Variants in SLC60A1 observed in about 807,000 individuals in gnomAD.
SLC60A1 encodes major facilitator superfamily domain containing 4.
the SLC60A1 span, chr1:205,584,021 A>C: frequency 6.2e-7 from 1 of 1,614,060 alleles, no homozygotes; most frequent in Non-Finnish European, 8.5e-7. Flanking sequence ...CTGTCCCCAG[A>C]GGAGGCCCCT....
At chr1:205,597,790 C>G in the SLC60A1 span, 1 of 1,613,970 alleles carries the variant, frequency 6.2e-7, no homozygotes. Flanking sequence ...GCTGTGCAAC[C>G]ACAGTGCTGG....
the SLC60A1 span, chr1:205,584,004 T>C: frequency 6.2e-7 from 1 of 1,614,024 alleles, no homozygotes; most frequent in Non-Finnish European, 8.5e-7. Flanking sequence ...GAGCGGCTGC[T>C]GACCTGCTGT....
the SLC60A1 span, among the ~76,000 whole-genome samples, chr1:205,593,514 T>A: frequency 2.7e-5 from 4 of 150,592 alleles, no homozygotes; most frequent in East Asian, 5.9e-4. Flanking sequence ...GAAGTTGGTG[T>A]ACAGGGAGAG....
At chr1:205,597,294 C>T in the SLC60A1 span, among the ~76,000 whole-genome samples, 1 of 150,850 alleles carries the variant, frequency 6.6e-6, no homozygotes, top group African/African-American at 2.4e-5. Context: ...AGCAAAGTTA[C>T]AGGCTCATGT....
chr1:205,579,841 G>A, the SLC60A1 span: 1 of 1,614,174 alleles, frequency 6.2e-7, no homozygotes, highest in South Asian at 1.1e-5. Flanking sequence ...ACGTGAAGGT[G>A]CTGGCCTCAG....
chr1:205,582,441 T>C, the SLC60A1 span, among the ~76,000 whole-genome samples: 1 of 152,364 alleles, frequency 6.6e-6, no homozygotes, highest in African/African-American at 2.4e-5. Context: ...CCTGCCCTTC[T>C]CTGACTTTTA....
chr1:205,593,858 C>T, the SLC60A1 span, among the ~76,000 whole-genome samples: 1 of 152,160 alleles, frequency 6.6e-6, no homozygotes, highest in Admixed American at 6.5e-5. Flanking sequence ...TTAATATTTG[C>T]AGTTTAGAAG....
the SLC60A1 span, among the ~76,000 whole-genome samples, chr1:205,581,764 T>A: frequency 6.6e-6 from 1 of 152,150 alleles, no homozygotes; most frequent in Admixed American, 6.5e-5. The surrounding 1 kb of genome is among the most constrained non-coding windows in gnomAD (Gnocchi z 4.2). Flanking sequence ...TCAGCTCTCC[T>A]GGGGCAGGTG....
chr1:205,596,602 AGAG>A, the SLC60A1 span, among the ~76,000 whole-genome samples: 12 of 144,526 alleles, frequency 8.3e-5, no homozygotes, highest in Admixed American at 6.9e-5. Flanking sequence ...TTACCAGAAA[AGAG>A]GAGGAGGATG....
At chr1:205,575,042 G>C in the SLC60A1 span, among the ~76,000 whole-genome samples, 3 of 152,152 alleles carry the variant, frequency 2.0e-5, no homozygotes, top group Admixed American at 2.0e-4. Context: ...TTTTATCCCT[G>C]GCCTTGCCCT....
the SLC60A1 span, among the ~76,000 whole-genome samples, chr1:205,581,111 C>T: frequency 3.9e-5 from 6 of 152,228 alleles, no homozygotes; most frequent in South Asian, 2.1e-4. This position sits in a 1 kb window ranked among gnomAD's most constrained non-coding sequence, Gnocchi z 4.2. Flanking sequence ...CATCCTTCAG[C>T]GACCTGTGAT....
chr1:205,569,036 C>T, the SLC60A1 span: 4 of 1,406,584 alleles, frequency 2.8e-6, no homozygotes, highest in Admixed American at 5.3e-5. Flanking sequence ...CCGGGCTCGC[C>T]GGGACCAGAT....
the SLC60A1 span, among the ~76,000 whole-genome samples, chr1:205,569,994 T>C: frequency 6.7e-6 from 1 of 150,170 alleles, no homozygotes; most frequent in Admixed American, 6.7e-5. Context: ...GGCAGGGCAC[T>C]TTACCCATAG....
the SLC60A1 span, among the ~76,000 whole-genome samples, chr1:205,589,480 C>G: frequency 6.6e-6 from 1 of 152,132 alleles, no homozygotes; most frequent in Non-Finnish European, 1.5e-5. Flanking sequence ...GTCTGCGTTG[C>G]ATTTTCTTTT....
chr1:205,591,991 G>T, the SLC60A1 span: 1 of 1,080,204 alleles, frequency 9.3e-7, no homozygotes, highest in Non-Finnish European at 1.3e-6. Context: ...GTTCCCGCCT[G>T]GTCCACGGGG....
At chr1:205,581,914 A>T in the SLC60A1 span, among the ~76,000 whole-genome samples, 2 of 152,176 alleles carry the variant, frequency 1.3e-5, no homozygotes, top group Non-Finnish European at 2.9e-5. The surrounding 1 kb of genome is among the most constrained non-coding windows in gnomAD (Gnocchi z 4.2). Flanking sequence ...TGCCATCACC[A>T]GCTCAAAGCC....
the SLC60A1 span, among the ~76,000 whole-genome samples, chr1:205,583,437 A>G: frequency 6.6e-6 from 1 of 152,200 alleles, no homozygotes; most frequent in African/African-American, 2.4e-5. Flanking sequence ...GCCAGGCTCC[A>G]TTCTGGCTTT....
chr1:205,591,669 T>C, the SLC60A1 span, among the ~76,000 whole-genome samples: 7 of 152,070 alleles, frequency 4.6e-5, no homozygotes, highest in Non-Finnish European at 8.8e-5. Flanking sequence ...ACCACCCCTC[T>C]TCCCCTGCTA....
At chr1:205,590,401 C>CT in the SLC60A1 span, among the ~76,000 whole-genome samples, 11 of 152,224 alleles carry the variant, frequency 7.2e-5, no homozygotes, top group Non-Finnish European at 1.6e-4. Context: ...TGAAAGAAGT[C>CT]TTTTGTCTTT....
Sources: allele counts gnomAD v4.1 joint callset (sites outside exome capture counted in the v4.1 genomes callset), GRCh38; gene constraint gnomAD v4.1.1; non-coding constraint Gnocchi (gnomAD v3.1); transcripts MANE v1.5; gene names NCBI Gene and HGNC (gene_info 2026-07-23, HGNC 2026-07-21).